CPOX: variants seen among roughly 807,000 people sequenced by gnomAD.
CPOX encodes coproporphyrinogen oxidase.
CPOX carries 24 observed loss-of-function variants against 48.9 expected under a neutral mutation model. The ratio of observed to expected loss-of-function variants is 0.49; its 90% confidence interval spans 0.36 to 0.69. The LOEUF is 0.69. CPOX is among the 30% of genes least tolerant of loss of function. The pLI, the probability that CPOX is intolerant of heterozygous loss-of-function variation, is 0.00. For missense variants in CPOX, 549 were observed against 597.3 expected, an observed-to-expected ratio of 0.92 and a Z score of 0.84; for synonymous variants, 249 against 234.6, an observed-to-expected ratio of 1.06 and a Z score of -0.56.
At chr3:98,589,776 A>C (rs1388948755) in intron 3 of CPOX, 1 of 152,342 alleles carries the variant, frequency 6.6e-6, no homozygotes, top group East Asian at 1.9e-4. Flanking sequence ...GAAAAGTTAA[A>C]GCAGTGACTT....
the CPOX span, among the ~76,000 whole-genome samples, chr3:98,573,146 T>A: frequency 6.6e-6 from 1 of 152,220 alleles, no homozygotes; most frequent in Non-Finnish European, 1.5e-5. Flanking sequence ...ACATTATTCA[T>A]TCTCAGACAA....
Position 98,588,784 on chromosome 3 carries a change from G to C in CPOX, c.882C>G (p.Val294=). The C allele has an allele frequency of 6.2e-7, 1 of 1,614,146 alleles. No homozygotes were observed. The highest frequency in any genetic ancestry group is 8.5e-7 in the Non-Finnish European group (1 of 1,180,014). ...TPTYLNQEDA[V]HFHRTLKEAC... Reference sequence around the variant, plus strand: ...CCTCCTTCAGAGTTCTGTGAAAATGGACAGCGTCTTCTTGATTCAAGTATG... The same window carrying C: ...CCTCCTTCAGAGTTCTGTGAAAATGCACAGCGTCTTCTTGATTCAAGTATG... Residue 294 remains valine, a synonymous_variant, in exon 4 of 7, where the codon GTC becomes GTG. Coordinates refer to ENST00000647941, the MANE Select transcript of CPOX (RefSeq NM_000097.7).
At chr3:98,590,598 C>A in intron 3 of CPOX, 34 bp downstream of exon 3, 2 of 1,417,126 alleles carry the variant, frequency 1.4e-6, no homozygotes, top group East Asian at 2.3e-5. Flanking sequence ...ACATTTTGCA[C>A]GACAGTACTT....
chr3:98,582,445 C>T (rs980373744), intron 5 of CPOX, among the ~76,000 whole-genome samples: 1 of 152,048 alleles, frequency 6.6e-6, no homozygotes, highest in Non-Finnish European at 1.5e-5. Flanking sequence ...TGTCTTGATG[C>T]CCATCTATAG....
downstream of CPOX, among the ~76,000 whole-genome samples, chr3:98,578,804 A>T (rs1707198548): frequency 6.6e-6 from 1 of 152,226 alleles, no homozygotes; most frequent in African/African-American, 2.4e-5. Flanking sequence ...TAATATACGC[A>T]TATATCACAA....
At chr3:98,581,255 T>A in intron 6 of CPOX, 152 bp downstream of exon 6, 1 of 661,220 alleles carries the variant, frequency 1.5e-6, no homozygotes, top group East Asian at 2.9e-5. Context: ...CAATTTGATT[T>A]GCCTTATTTG....
Position 98,592,971 on chromosome 3 carries a change from C to T in CPOX, c.534G>A (p.Val178=), listed in dbSNP as rs767484982. The T allele has an allele frequency of 1.4e-5, 22 of 1,613,324 alleles. No homozygotes were observed. In the Admixed American group the frequency reaches 1.8e-4, roughly 13 times the overall value. ...TACCTTCCTTCCTCTCCCACCGGTCCACAGAAAAGTTGGCGCCCCCGTCTA... is the reference window on the plus strand; with the variant it reads ...TACCTTCCTTCCTCTCCCACCGGTCTACAGAAAAGTTGGCGCCCCCGTCTA... ...AQVDGGANFS[V]DRWERKEGGG... is the part of the protein sequence containing the mutation. The change falls in exon 1 of 7, where the codon GTG becomes GTA. Residue 178 remains valine, a synonymous_variant. Coordinates refer to ENST00000647941, the MANE Select transcript of CPOX (RefSeq NM_000097.7).
intron 1 of CPOX, among the ~76,000 whole-genome samples, 195 bp from the exon 2 acceptor site, chr3:98,591,350 C>T (rs753484065): frequency 5.9e-5 from 9 of 152,152 alleles, no homozygotes; most frequent in Non-Finnish European, 1.3e-4. Context: ...AATACTAGAC[C>T]TTCTCATATC....
In CPOX at chr3:98,588,809, G is replaced by T; in HGVS notation, c.857C>A (p.Thr286Lys). 1 of 1,614,178 alleles carries T rather than the reference G, an allele frequency of 6.2e-7. No homozygotes were observed. Among genetic ancestry groups the T allele is most frequent in the Non-Finnish European group, 8.5e-7 (1 of 1,180,016 alleles). Reference sequence around the variant, plus strand: ...GACAGCGTCTTCTTGATTCAAGTATGTTGGAGTGAGGTCACATCCACCACC... The same window carrying T: ...GACAGCGTCTTCTTGATTCAAGTATTTTGGAGTGAGGTCACATCCACCACC... ...WFGGGCDLTP[T>K]YLNQEDAVHF... The change falls in exon 4 of 7, where the codon ACA becomes AAA. Residue 286 changes from threonine to lysine, a missense_variant. This residue lies in a region of CPOX where 213 missense variants were observed against 279.1 expected (regional missense o/e 0.76). Coordinates refer to ENST00000647941, the MANE Select transcript of CPOX (RefSeq NM_000097.7).
In CPOX at chr3:98,579,800, G is replaced by C; in HGVS notation, c.*883C>G. ...CAAGTTTCTCATACTATATATACTTGCTTTAAAGAAGGAAATTATTTCTCA... is the reference window on the plus strand; with the variant it reads ...CAAGTTTCTCATACTATATATACTTCCTTTAAAGAAGGAAATTATTTCTCA... On this transcript the variant is annotated 3_prime_UTR_variant, in exon 7 of 7. Transcript: ENST00000647941. 1 of 985,230 alleles carries C rather than the reference G, an allele frequency of 1.0e-6. No individual in the cohort carries two copies. The highest frequency in any genetic ancestry group is 1.2e-6 in the Non-Finnish European group (1 of 829,400). 61.0% of individuals were successfully genotyped at this position (985,230 alleles called of 1,614,324 possible). A position where few individuals can be genotyped will look rare whatever the true frequency, so the allele number is the denominator to read the frequency against.
chr3:98,578,175 CT>C (rs1423571139), downstream of CPOX: 1 of 764,718 alleles, frequency 1.3e-6, no homozygotes, highest in African/African-American at 1.9e-5. Context: ...GAGAAATTCA[CT>C]TTGAATAACA....
the CPOX span, among the ~76,000 whole-genome samples, chr3:98,573,184 G>A: frequency 5.9e-5 from 9 of 152,176 alleles, no homozygotes; most frequent in Non-Finnish European, 1.3e-4. Context: ...CAGGCAACTC[G>A]CAGTTCAGAG....
At position 98,585,530 on chromosome 3, in the gene CPOX, T is replaced by G. The variant is rs778266587; in HGVS notation, c.1083A>C (p.Val361=). ...TCACAAGGGGAATGTAAGAAGGAACTACAGCCCTGGCACAGCTCTGTACAA... is the reference window on the plus strand; with the variant it reads ...TCACAAGGGGAATGTAAGAAGGAACGACAGCCCTGGCACAGCTCTGTACAA... The part of the protein sequence containing the change: ...FRFVQSCARA[V]VPSYIPLVKK... The change falls in exon 5 of 7, where the codon GTA becomes GTC. Residue 361 remains valine (V), a synonymous_variant. Coordinates refer to ENST00000647941, the MANE Select transcript of CPOX (RefSeq NM_000097.7). 3 of 1,614,110 alleles carry G rather than the reference T, an allele frequency of 1.9e-6. No individual in the cohort carries two copies. In the South Asian group the frequency reaches 3.3e-5, roughly 18 times the overall value.
Position 98,581,472 on chromosome 3 carries a change from C to G in CPOX, c.1212G>C (p.Lys404Asn), listed in dbSNP as rs1707257798. 1 of 1,613,916 alleles carries G rather than the reference C, an allele frequency of 6.2e-7. No individual in the cohort carries two copies. ...EFNLLYDRGT[K>N]FGLFTPGSRI... ...TGGATCCTGGAGTGAAGAGGCCAAACTTTGTGCCCCGATCATACAGCAGAT... is the reference window on the plus strand; with the variant it reads ...TGGATCCTGGAGTGAAGAGGCCAAAGTTTGTGCCCCGATCATACAGCAGAT... The change falls in exon 6 of 7, where the codon AAG becomes AAC. Residue 404 changes from lysine (K) to asparagine (N), a missense_variant. Coordinates refer to ENST00000647941, the MANE Select transcript of CPOX (RefSeq NM_000097.7).
chr3:98,589,311 C>G (rs958173366), intron 3 of CPOX, among the ~76,000 whole-genome samples: 1 of 151,926 alleles, frequency 6.6e-6, no homozygotes, highest in Non-Finnish European at 1.5e-5. Context: ...AAGAGTGAGA[C>G]TCCATCTCAA....
downstream of CPOX, among the ~76,000 whole-genome samples, chr3:98,577,580 G>A (rs1707181358): frequency 6.6e-6 from 1 of 152,194 alleles, no homozygotes; most frequent in Non-Finnish European, 1.5e-5. Flanking sequence ...AGGTTTTGAA[G>A]ATGACTGGGA....
At chr3:98,585,745 T>A in intron 4 of CPOX, 86 bp from the exon 5 acceptor site, 3 of 997,678 alleles carry the variant, frequency 3.0e-6, no homozygotes, top group Non-Finnish European at 4.8e-6. Context: ...GTTACAGCAC[T>A]ATCCTCAACT....
intron 5 of CPOX, among the ~76,000 whole-genome samples, chr3:98,582,216 C>A (rs1164393705): frequency 6.6e-6 from 1 of 152,060 alleles, no homozygotes; most frequent in African/African-American, 2.4e-5. Context: ...TGGACTCCTT[C>A]CAGTTTAAAA....
At position 98,579,530 on chromosome 3, in the gene CPOX, C is replaced by T; in HGVS notation, c.*1153G>A. On this transcript the variant is annotated 3_prime_UTR_variant, in exon 7 of 7. Transcript: ENST00000647941. ...CATACATTTTCCAGCCCCAAAAAGG[C>T]CACACAGAATCACAAACATTCAACG... The T allele has an allele frequency of 1.0e-6, 1 of 985,122 alleles. No homozygotes were observed. The highest frequency in any genetic ancestry group is 1.2e-6 in the Non-Finnish European group (1 of 829,650). The allele number at this position is 985,122 out of a possible 1,614,324, so 61.0% of individuals were successfully genotyped here. A position where few individuals can be genotyped will look rare whatever the true frequency, so the allele number is the denominator to read the frequency against.
Sources: allele counts gnomAD v4.1 joint callset (sites outside exome capture counted in the v4.1 genomes callset), GRCh38; gene constraint gnomAD v4.1.1; regional missense constraint gnomAD v4.1.1; transcripts MANE v1.5; gene names NCBI Gene and HGNC (gene_info 2026-07-23, HGNC 2026-07-21).